Variants in ACE observed in about 807,000 individuals in gnomAD.
ACE encodes the protein angiotensin I converting enzyme.
A neutral mutation model predicts 162.3 loss-of-function variants in ACE; 122 were observed. The ratio of observed to expected loss-of-function variants is 0.75; its 90% CI spans 0.65 to 0.87. The LOEUF (loss-of-function observed/expected upper bound fraction) is 0.87. ACE is among the 40% of genes least tolerant of loss of function. ACE has a pLI of 0.00. For synonymous variants in ACE, 796 were observed against 720.6 expected, an observed-to-expected ratio of 1.10 and a Z score of -1.68; for missense variants, 1,799 against 1,735.1, an observed-to-expected ratio of 1.04 and a Z score of -0.65.
At chr17:63,495,862 C>T (rs929590893) in intron 22 of ACE, among the ~76,000 whole-genome samples, 3 of 152,254 alleles carry the variant, frequency 2.0e-5, no homozygotes, top group African/African-American at 7.2e-5. Context: ...AGTGAGAGGC[C>T]TGTGCCACTG....
intron 19 of ACE, among the ~76,000 whole-genome samples, chr17:63,492,297 A>G (rs184800824): frequency 7.2e-4 from 110 of 152,368 alleles, no homozygotes; most frequent in African/African-American, 2.5e-3. Flanking sequence ...GCCATGTTTT[A>G]TTGGCTAGAA....
chr17:63,481,227 G>T lies in ACE; in HGVS notation c.945+39G>T, dbSNP rs369102684. ...TCAAGCCTGGGGTGGTGGGGGTCGG[G>T]GGTGGGGCGCAAAAAAAGGGAGTCA... On this transcript the variant is annotated intron_variant, in intron 6 of 24. Coordinates refer to ENST00000290866, the MANE Select transcript of ACE (RefSeq NM_000789.4). 1.2e-5 allele frequency: 16 copies of T among 1,377,780 alleles called. No individual in the cohort carries two copies. In the African/African-American group the frequency reaches 2.0e-4, roughly 17 times the overall value. The allele number at this position is 1,377,780 out of a possible 1,614,324, so 85.3% of individuals were successfully genotyped here. A position where few individuals can be genotyped will look rare whatever the true frequency, so the allele number is the denominator to read the frequency against.
chr17:63,481,429 C>A, intron 6 of ACE, 137 bp from the exon 7 acceptor site: 1 of 1,011,756 alleles, frequency 9.9e-7, no homozygotes, highest in South Asian at 1.5e-5. Context: ...GAGTGAGGGC[C>A]CTGCCTCTGG....
intron 2 of ACE, 65 bp downstream of exon 2, chr17:63,478,163 G>T: frequency 6.5e-7 from 1 of 1,539,934 alleles, no homozygotes; most frequent in Non-Finnish European, 8.8e-7. Flanking sequence ...GGGGTCGGGG[G>T]AGAGCAGCCC....
In ACE at chr17:63,495,980, A is replaced by G. The variant is rs4360; in HGVS notation, c.3381-414A>G. On this transcript the variant is annotated intron_variant, in intron 22 of 24. Transcript: ENST00000290866. ...CGTGATGCTTTGGATAAGATCATGT[A>G]GGACTGGCTTCCCTGCCCAGACCAC... 4.0e-3 allele frequency among the ~76,000 whole-genome samples: 614 copies of G among 152,326 alleles called. 6 individuals carry two copies. Among genetic ancestry groups the G allele is most frequent in the African/African-American group, 0.014 (593 of 41,574 alleles).
intron 23 of ACE, 73 bp downstream of exon 23, chr17:63,496,589 T>G (rs2030749069): frequency 6.2e-7 from 1 of 1,611,056 alleles, no homozygotes; most frequent in Admixed American, 1.7e-5. Flanking sequence ...GTCTGTCCAC[T>G]GGAGCTTTTG....
Position 63,491,372 on chromosome 17 carries a change from A to G in ACE, c.2903A>G (p.Lys968Arg). 1 of 1,614,146 alleles carries G rather than the reference A, an allele frequency of 6.2e-7. No homozygotes were observed. Among genetic ancestry groups the G allele is most frequent in the Non-Finnish European group, 8.5e-7 (1 of 1,180,024 alleles). ...HASAWDFYNG[K>R]DFRIKQCTTV... ...TCGGCCTGGGACTTCTACAACGGCA[A>G]GGACTTCCGGTACATCCAGCTAGGG... Residue 968 changes from lysine (K) to arginine (R), a missense_variant, in exon 19 of 25, where the codon AAG becomes AGG. Transcript: ENST00000290866. This position sits in a 1 kb window ranked among gnomAD's most constrained non-coding sequence, Gnocchi z 4.4.
In ACE at chr17:63,496,356, C is replaced by T. The variant is rs937304734; in HGVS notation, c.3381-38C>T. 4 of 1,613,736 alleles carry T rather than the reference C, an allele frequency of 2.5e-6. No individual in the cohort carries two copies. The African/African-American group carries it at 4.0e-5, about 16-fold the overall frequency. On this transcript the variant is annotated intron_variant, in intron 22 of 24. Coordinates refer to ENST00000290866, the MANE Select transcript of ACE (RefSeq NM_000789.4). ...GGGCCCAGTGGCACAAGGCCCTCAA[C>T]CAACTCCGCCCCGGGCCACGGCCTC...
chr17:63,496,524 T>A lies in ACE; in HGVS notation c.3503+8T>A, dbSNP rs746228877. On this transcript the variant is annotated splice_region_variant and intron_variant, in intron 23 of 24. Coordinates refer to ENST00000290866, the MANE Select transcript of ACE (RefSeq NM_000789.4). ...GGCCGGGCAGCGCCTGGCGTGAGTG[T>A]CCTCCAGCCCTCCTTTGTTTCCATG... The A allele has an allele frequency of 6.2e-7, 1 of 1,613,994 alleles. No individual in the cohort carries two copies.
At chr17:63,486,219 C>T (rs968893868) in intron 13 of ACE, 5 of 382,974 alleles carry the variant, frequency 1.3e-5, no homozygotes, top group Non-Finnish European at 2.5e-5. Context: ...TCCCATTTTA[C>T]AGATGGGATT....
rs1319345885 is a variant in ACE, at chr17:63,483,901, G to T, written c.1639G>T (p.Glu547Ter). The T allele has an allele frequency of 6.2e-7, 1 of 1,614,184 alleles. No homozygotes were observed. Among genetic ancestry groups the T allele is most frequent in the Non-Finnish European group, 8.5e-7 (1 of 1,180,038 alleles). The change falls in exon 11 of 25, where the codon GAG becomes TAG. Residue 547 changes from glutamate (E) to a stop codon, truncating the protein, a stop_gained. Transcript: ENST00000290866. LOFTEE classifies it high-confidence loss of function. ...CCAGTTCCATGAAGCCCTGTGCAAG[G>T]AGGCAGGCTATGAGGGCCCACTGCA... ...QFQFHEALCK[E>*]AGYEGPLHQC...
Position 63,482,512 on chromosome 17 carries a change from C to T in ACE, c.1165C>T (p.His389Tyr). ...CACGATGGACCAGCTCTCCACAGTG[C>T]ACCATGAGATGGGCCATATACAGTA... is the stretch of plus-strand genomic sequence containing the variant. Reference protein sequence around the residue: ...RVTMDQLSTVHHEMGHIQYYL... With the variant: ...RVTMDQLSTVYHEMGHIQYYL... Residue 389 changes from histidine to tyrosine, a missense_variant, in exon 8 of 25, where the codon CAC becomes TAC. Transcript: ENST00000290866. The T allele has an allele frequency of 6.2e-7, 1 of 1,614,078 alleles. No individual in the cohort carries two copies. The highest frequency in any genetic ancestry group is 8.5e-7 in the Non-Finnish European group (1 of 1,180,024).
intron 6 of ACE, 88 bp from the exon 7 acceptor site, chr17:63,481,478 G>A: frequency 6.9e-7 from 1 of 1,439,116 alleles, no homozygotes; most frequent in Non-Finnish European, 9.6e-7. Context: ...TCATGCACAG[G>A]GAGTTGACCC....
intron 23 of ACE, 140 bp from the exon 24 acceptor site, chr17:63,496,658 T>C (rs2030753008): frequency 6.3e-7 from 1 of 1,578,220 alleles, no homozygotes; most frequent in Non-Finnish European, 8.7e-7. Context: ...CCAGGCCTGA[T>C]TGCCATCTCC....
chr17:63,496,257 A>G, intron 22 of ACE, 137 bp from the exon 23 acceptor site: 1 of 1,302,572 alleles, frequency 7.7e-7, no homozygotes, highest in Non-Finnish European at 1.1e-6. Flanking sequence ...AGCTGTGGGC[A>G]GAGTTGGGGG....
Position 63,478,075 on chromosome 17 carries a change from C to T in ACE, c.394C>T (p.Leu132=). ...GAVRTLGSAN[L]PLAKRQQYNA... ...TGTGCGCACCCTGGGCTCTGCCAAC[C>T]TGCCCCTGGCTAAGCGGCAGCAGGT... is the stretch of plus-strand genomic sequence containing the variant. Residue 132 remains leucine, a synonymous_variant, in exon 2 of 25, where the codon CTG becomes TTG. Coordinates refer to ENST00000290866, the MANE Select transcript of ACE (RefSeq NM_000789.4). 1 of 1,591,872 alleles carries T rather than the reference C, an allele frequency of 6.3e-7. No individual in the cohort carries two copies. Among genetic ancestry groups the T allele is most frequent in the Non-Finnish European group, 8.6e-7 (1 of 1,169,322 alleles).
chr17:63,484,619 G>C lies in ACE; in HGVS notation c.1921+78G>C. 2.6e-6 allele frequency: 4 copies of C among 1,511,066 alleles called. No homozygotes were observed. Among genetic ancestry groups the C allele is most frequent in the Non-Finnish European group, 3.6e-6 (4 of 1,124,508 alleles). 93.6% of individuals were successfully genotyped at this position (1,511,066 alleles called of 1,614,324 possible). Reference sequence around the variant, plus strand: ...GCTTGGCCCAGGCCCCAGGTTCCTGGTCAGCTCCTACCAGCTGAGCCCTGG... The same window carrying C: ...GCTTGGCCCAGGCCCCAGGTTCCTGCTCAGCTCCTACCAGCTGAGCCCTGG... On this transcript the variant is annotated intron_variant, in intron 12 of 24. Transcript: ENST00000290866. The surrounding 1 kb of genome is among the most constrained non-coding windows in gnomAD (Gnocchi z 4.0).
At position 63,494,352 on chromosome 17, in the gene ACE, CAT is replaced by C; in HGVS notation, c.3282-15_3282-14del. The C allele has an allele frequency of 6.2e-7, 1 of 1,610,146 alleles. No individual in the cohort carries two copies. The highest frequency in any genetic ancestry group is 8.5e-7 in the Non-Finnish European group (1 of 1,176,762). On this transcript the variant is annotated intron_variant, in intron 21 of 24. Coordinates refer to ENST00000290866, the MANE Select transcript of ACE (RefSeq NM_000789.4). ...GGTTCTCCCCAAACTCATCTTCCAA[CAT>C]ATATTCCCACTCGACAGGCTGAAGT... is the stretch of plus-strand genomic sequence containing the variant.
chr17:63,494,427 C>A lies in ACE; in HGVS notation c.3337C>A (p.Pro1113Thr). The change falls in exon 22 of 25, where the codon CCA becomes ACA. Residue 1113 changes from proline to threonine, a missense_variant. By Grantham distance (38) the Pro-to-Thr change is conservative (BLOSUM62 -1). Transcript: ENST00000290866. Reference protein sequence around the residue: ...PVPRTQGDFDPGAKFHIPSSV... With the variant: ...PVPRTQGDFDTGAKFHIPSSV... ...GCCCAGGACTCAAGGTGACTTTGAC[C>A]CAGGGGCCAAGTTCCACATTCCTTC... is the stretch of plus-strand genomic sequence containing the variant. 6.2e-7 allele frequency: 1 copy of A among 1,614,170 alleles called. No individual in the cohort carries two copies. The highest frequency in any genetic ancestry group is 1.1e-5 in the South Asian group (1 of 91,070).
Sources: allele counts gnomAD v4.1 joint callset (sites outside exome capture counted in the v4.1 genomes callset), GRCh38; gene constraint gnomAD v4.1.1; non-coding constraint Gnocchi (gnomAD v3.1); transcripts MANE v1.5; gene names NCBI Gene and HGNC (gene_info 2026-07-23, HGNC 2026-07-21).